Variants in FGF14 observed in about 807,000 individuals in gnomAD.
FGF14 encodes fibroblast growth factor 14.
A neutral mutation model predicts 25.5 loss-of-function variants in FGF14; 5 were observed. That is an observed-to-expected ratio of 0.20 (90% CI 0.10 to 0.41). FGF14 has a LOEUF of 0.41. FGF14 is among the 10% of genes least tolerant of loss of function. The pLI is 1.00. For missense variants in FGF14, 222 were observed against 320.1 expected, an observed-to-expected ratio of 0.69 and a Z score of 2.34; for synonymous variants, 138 against 118.3, an observed-to-expected ratio of 1.17 and a Z score of -1.08.
At position 102,030,015 on chromosome 13, in the gene FGF14, C is replaced by T. The variant is rs76407346; in HGVS notation, c.209-154719G>A. Among the ~76,000 whole-genome samples, 520 of 152,128 alleles carry T rather than the reference C, an allele frequency of 3.4e-3. 1 individual carries two copies. The highest frequency in any genetic ancestry group is 5.9e-3 in the Non-Finnish European group (401 of 67,970). On this transcript the variant is annotated intron_variant, in intron 1 of 4. Transcript: ENST00000376131. ...AACAAGTTAACAAATACATAAACTA[C>T]GGACTCCTCTTTTTAGGAGAGAAAA...
At chr13:101,914,968 G>A (rs1248688385) in intron 1 of FGF14, among the ~76,000 whole-genome samples, 1 of 152,120 alleles carries the variant, frequency 6.6e-6, no homozygotes, top group African/African-American at 2.4e-5. Flanking sequence ...ACACAAAGGT[G>A]GGCTGAATAA....
At position 101,714,651 on chromosome 13, in the gene FGF14, C is replaced by A; in HGVS notation, c.*8180G>T. On this transcript the variant is annotated 3_prime_UTR_variant, in exon 5 of 5. Coordinates refer to ENST00000376143, the MANE Select transcript of FGF14 (RefSeq NM_004115.4). ...CTTTAGGTGGCTGGACCAACAGGGC[C>A]AACCGTGAATATGAAATATCTACCA... The A allele has an allele frequency of 1.3e-6, 1 of 742,436 alleles. No homozygotes were observed. Among genetic ancestry groups the A allele is most frequent in the Non-Finnish European group, 2.4e-6 (1 of 415,896 alleles). 46.0% of individuals were successfully genotyped at this position (742,436 alleles called of 1,614,324 possible).
At chr13:101,900,806 ACTT>A (rs773658733) in intron 1 of FGF14, among the ~76,000 whole-genome samples, 1 of 152,146 alleles carries the variant, frequency 6.6e-6, no homozygotes, top group Non-Finnish European at 1.5e-5. Flanking sequence ...TGATTTGTGG[ACTT>A]CTTTTAATGT....
intron 1 of FGF14, among the ~76,000 whole-genome samples, chr13:102,026,064 A>T (rs561849209): frequency 4.1e-4 from 63 of 152,078 alleles, no homozygotes; most frequent in Non-Finnish European, 4.1e-4. Flanking sequence ...TTCCTAATTT[A>T]GTCTGATGTT....
chr13:102,018,525 A>G (rs1210408652), intron 1 of FGF14, among the ~76,000 whole-genome samples: 2 of 152,034 alleles, frequency 1.3e-5, no homozygotes, highest in African/African-American at 4.8e-5. Flanking sequence ...ATGACCCTGA[A>G]AGGTTGAGTC....
intron 1 of FGF14, among the ~76,000 whole-genome samples, chr13:101,988,625 G>A (rs190680758): frequency 5.6e-4 from 82 of 146,328 alleles, no homozygotes; most frequent in African/African-American, 2.0e-3. Flanking sequence ...CAGACACCAC[G>A]TGTTCTCACT....
rs1336273054 is a variant in FGF14, at chr13:101,943,819, A to AT, written c.209-68524_209-68523insA. ...AGAATCCCTGTCTCTACTTAAAAAA[A>AT]AAAAAAAATATATATATATATATAT... On this transcript the variant is annotated intron_variant, in intron 1 of 4. Transcript: ENST00000376131. Among the ~76,000 whole-genome samples, 467 of 140,556 alleles carry AT rather than the reference A, an allele frequency of 3.3e-3. 1 individual carries two copies. The highest frequency in any genetic ancestry group is 0.012 in the African/African-American group (435 of 35,450). The allele number at this position is 140,556 out of a possible 152,430, so 92.2% of individuals were successfully genotyped here.
chr13:102,166,603 T>C (rs1341829315), intron 1 of FGF14, among the ~76,000 whole-genome samples: 4 of 152,122 alleles, frequency 2.6e-5, no homozygotes, highest in Non-Finnish European at 1.5e-5. Context: ...CCAAGCATAG[T>C]GTTTAAGCGC....
At chr13:102,345,783 T>G (rs2057088880) in intron 1 of FGF14, among the ~76,000 whole-genome samples, 2 of 152,238 alleles carry the variant, frequency 1.3e-5, no homozygotes, top group South Asian at 4.1e-4. Flanking sequence ...GCAACAAAGA[T>G]TATATATTCT....
rs56200654 is a variant in FGF14, at chr13:101,720,530, CTGTGTGTGTGTGTGTGTGTG to C, written c.*2281_*2300del. The C allele has an allele frequency of 2.0e-5, 3 of 147,572 alleles. No homozygotes were observed. The highest frequency in any genetic ancestry group is 6.8e-5 in the Admixed American group (1 of 14,752). The allele number at this position is 147,572 out of a possible 1,614,324, so 9.1% of individuals were successfully genotyped here. On this transcript the variant is annotated 3_prime_UTR_variant, in exon 5 of 5. Coordinates refer to ENST00000376143, the MANE Select transcript of FGF14 (RefSeq NM_004115.4). The stretch of plus-strand genomic sequence containing the variant: ...TAACAAATAGATGGGGGTGTTTGCT[CTGTGTGTGTGTGTGTGTGTG>C]TGTGTGTGTGTGTGTATATGTGTGT...
intron 3 of FGF14, among the ~76,000 whole-genome samples, chr13:101,837,825 G>C (rs2043001435): frequency 6.6e-6 from 1 of 152,060 alleles, no homozygotes; most frequent in South Asian, 2.1e-4. Flanking sequence ...GGGTGTGTCT[G>C]TGAGGGTGTT....
In FGF14 at chr13:102,231,483, A is replaced by G. The variant is rs150309478; in HGVS notation, c.208+169988T>C. Among the ~76,000 whole-genome samples the G allele has an allele frequency of 4.2e-3, 635 of 152,334 alleles. 5 individuals carry two copies. In the Middle Eastern group the frequency reaches 0.065, roughly 16 times the overall value. ...GAGCAGAAGGCAGGGTCTGTGGGGT[A>G]AAACAGCTTCATCGATAGAATTAAA... On this transcript the variant is annotated intron_variant, in intron 1 of 4. Coordinates refer to the FGF14 transcript ENST00000376131.
chr13:101,961,201 T>C (rs1055381911), intron 1 of FGF14, among the ~76,000 whole-genome samples: 5 of 152,328 alleles, frequency 3.3e-5, no homozygotes, highest in African/African-American at 7.2e-5. Context: ...CTAGATCCCA[T>C]GTGTCAATTT....
intron 1 of FGF14, among the ~76,000 whole-genome samples, chr13:102,040,471 C>A (rs1478714371): frequency 1.3e-5 from 2 of 152,070 alleles, no homozygotes; most frequent in Non-Finnish European, 2.9e-5. Context: ...GAAACAGTAA[C>A]AAAGAGTCTT....
chr13:101,714,406 G>A lies in FGF14; in HGVS notation c.*8425C>T, dbSNP rs776292324. On this transcript the variant is annotated 3_prime_UTR_variant, in exon 5 of 5. Transcript: ENST00000376143. Reference sequence around the variant, plus strand: ...CGAGATGGAAACCTTTAGTTATAAGGTGATGGTGAGTAATAGCCTTTGTAA... The same window carrying A: ...CGAGATGGAAACCTTTAGTTATAAGATGATGGTGAGTAATAGCCTTTGTAA... 1.5e-5 allele frequency: 18 copies of A among 1,196,498 alleles called. No individual in the cohort carries two copies. Among genetic ancestry groups the A allele is most frequent in the Non-Finnish European group, 2.1e-5 (17 of 799,710 alleles). 74.1% of individuals were successfully genotyped at this position (1,196,498 alleles called of 1,614,324 possible). A position where few individuals can be genotyped will look rare whatever the true frequency, so the allele number is the denominator to read the frequency against.
intron 1 of FGF14, among the ~76,000 whole-genome samples, chr13:102,314,419 C>A (rs1031516030): frequency 5.3e-5 from 8 of 152,152 alleles, no homozygotes; most frequent in Non-Finnish European, 1.0e-4. Context: ...ATTTCCTGAA[C>A]TGAAGGGACC....
At chr13:102,192,007 CA>C (rs2049143527) in intron 1 of FGF14, among the ~76,000 whole-genome samples, 1 of 152,170 alleles carries the variant, frequency 6.6e-6, no homozygotes, top group East Asian at 1.9e-4. Context: ...CATTTAATGC[CA>C]TTTATTCTAG....
At chr13:102,327,494 T>C (rs1436587358) in intron 1 of FGF14, among the ~76,000 whole-genome samples, 2 of 152,208 alleles carry the variant, frequency 1.3e-5, no homozygotes, top group Admixed American at 6.5e-5. Flanking sequence ...ATCACTTATA[T>C]AAATCTCTTT....
chr13:102,038,690 C>G (rs1245725807), intron 1 of FGF14, among the ~76,000 whole-genome samples: 1 of 152,058 alleles, frequency 6.6e-6, no homozygotes, highest in Non-Finnish European at 1.5e-5. Context: ...CACTGTGAGA[C>G]AGTCAGATCC....
Sources: gnomAD v4.1 joint callset for allele counts (sites outside exome capture counted in the v4.1 genomes callset) on GRCh38, gnomAD v4.1.1 for gene constraint, MANE v1.5 for transcripts, NCBI Gene and HGNC (gene_info 2026-07-23, HGNC 2026-07-21) for gene names.